APP: variants seen among roughly 807,000 people sequenced by gnomAD.
APP encodes the protein amyloid-beta precursor protein.
A neutral mutation model predicts 101.4 loss-of-function variants in APP; 31 were observed. That is an observed-to-expected ratio of 0.31 (90% CI 0.23 to 0.41). The LOEUF (loss-of-function observed/expected upper bound fraction) is 0.41, where lower values mean the gene tolerates loss of function less well. APP is among the 10% of genes least tolerant of loss of function. The pLI is 1.00. For missense variants in APP, 839 were observed against 1,003.7 expected (o/e 0.84, Z 2.22); for synonymous variants, 366 against 364.4 (o/e 1.00, Z -0.05).
intron 5 of APP, among the ~76,000 whole-genome samples, chr21:26,040,665 G>A (rs2045335227): frequency 1.3e-5 from 2 of 151,470 alleles, no homozygotes; most frequent in Admixed American, 1.3e-4. Flanking sequence ...GGGAGACTGA[G>A]GCAGGAGTAC....
At chr21:25,945,138 G>A (rs999235526) in intron 13 of APP, among the ~76,000 whole-genome samples, 1 of 152,134 alleles carries the variant, frequency 6.6e-6, no homozygotes, top group Non-Finnish European at 1.5e-5. Context: ...AGTCATCATG[G>A]CTTAAGGAAA....
chr21:26,111,465 T>C (rs1044188643), intron 2 of APP, among the ~76,000 whole-genome samples: 1 of 152,110 alleles, frequency 6.6e-6, no homozygotes, highest in African/African-American at 2.4e-5. Context: ...GGGCTGAGCA[T>C]GGTGGCTCAT....
At chr21:26,061,486 A>G (rs1182528440) in intron 3 of APP, among the ~76,000 whole-genome samples, 1 of 152,222 alleles carries the variant, frequency 6.6e-6, no homozygotes, top group Non-Finnish European at 1.5e-5. Flanking sequence ...ATTAACAAAT[A>G]GGCTGGGAAA....
intron 13 of APP, among the ~76,000 whole-genome samples, chr21:25,944,668 A>T (rs141063697): frequency 4.6e-5 from 7 of 152,334 alleles, no homozygotes; most frequent in African/African-American, 1.7e-4. Context: ...CTCAATTTGG[A>T]TTCATCTCCA....
intron 5 of APP, among the ~76,000 whole-genome samples, chr21:26,040,290 C>T (rs117104544): frequency 0.036 from 5,434 of 152,050 alleles, 131 homozygotes; most frequent in Non-Finnish European, 0.05. Context: ...GGTAATAAAC[C>T]GCATTTCTTT....
At position 25,916,879 on chromosome 21, in the gene APP, T is replaced by C. The variant is rs1431243711; in HGVS notation, c.1688-4917A>G. Among the ~76,000 whole-genome samples the C allele has an allele frequency of 3.9e-5, 6 of 152,362 alleles. No homozygotes were observed. The Middle Eastern group carries it at 0.01, about 259-fold the overall frequency. On this transcript the variant is annotated intron_variant, in intron 13 of 17. Transcript: ENST00000346798. ...AATATTTAACTGAGTTTAGTGGTGA[T>C]AATATTTAAAATATGGCTTCATCAA... is the stretch of plus-strand genomic sequence containing the variant.
intron 1 of APP, among the ~76,000 whole-genome samples, chr21:26,156,548 T>C (rs1344979512): frequency 6.6e-6 from 1 of 152,172 alleles, no homozygotes; most frequent in Non-Finnish European, 1.5e-5. Flanking sequence ...CTACTGACTA[T>C]TTTAAATCAG....
intron 17 of APP, among the ~76,000 whole-genome samples, chr21:25,890,887 T>G (rs1042456249): frequency 1.3e-5 from 2 of 152,126 alleles, no homozygotes; most frequent in Non-Finnish European, 2.9e-5. Context: ...CTCTAAAAAT[T>G]CCATAACTCT....
intron 1 of APP, among the ~76,000 whole-genome samples, chr21:26,151,810 GCTC>G: frequency 6.6e-6 from 1 of 152,302 alleles, no homozygotes; most frequent in Middle Eastern, 3.4e-3. Flanking sequence ...GTGCAGCAAA[GCTC>G]CTAACACGCC....
At chr21:26,096,789 AC>A (rs2061951803) in intron 2 of APP, among the ~76,000 whole-genome samples, 1 of 152,196 alleles carries the variant, frequency 6.6e-6, no homozygotes, top group Non-Finnish European at 1.5e-5. Context: ...AAAACAAAAA[AC>A]AAAAACAGAA....
At chr21:26,062,583 GC>G (rs1354707688) in intron 3 of APP, among the ~76,000 whole-genome samples, 4 of 149,598 alleles carry the variant, frequency 2.7e-5, no homozygotes, top group African/African-American at 9.9e-5. Flanking sequence ...AATCGCCTGA[GC>G]CGGGGAAGCA....
chr21:26,038,783 C>T (rs1272019492), intron 5 of APP, among the ~76,000 whole-genome samples: 1 of 151,996 alleles, frequency 6.6e-6, no homozygotes, highest in African/African-American at 2.4e-5. Context: ...AAAAACATCC[C>T]ATGCTGCTGG....
chr21:26,124,365 GA>G (rs1386514382), intron 1 of APP, among the ~76,000 whole-genome samples: 1 of 152,114 alleles, frequency 6.6e-6, no homozygotes, highest in African/African-American at 2.4e-5. Flanking sequence ...GCTCCTCCTA[GA>G]AAACAAGAAG....
At position 25,999,305 on chromosome 21, in the gene APP, A is replaced by T. The variant is rs556171321; in HGVS notation, c.1033+710T>A. Among the ~76,000 whole-genome samples, 3 of 152,276 alleles carry T rather than the reference A, an allele frequency of 2.0e-5. No individual in the cohort carries two copies. In the South Asian group the frequency reaches 6.2e-4, roughly 32 times the overall value. The stretch of plus-strand genomic sequence containing the variant: ...AGACCCTGTCTTTAAAAAAACAAAA[A>T]AAATAAAATTATGTTCCTCGAGCCT... On this transcript the variant is annotated intron_variant, in intron 7 of 17. Transcript: ENST00000346798.
chr21:25,905,025 T>C lies in APP; in HGVS notation c.1962A>G (p.Pro654=). ...PAADRGLTTR[P]GSGLTNIKTE... ...GCACAAGTCAAGCGGTTCTGATACC[T>C]GGTCGAGTGGTCAGTCCTCGGTCGG... The change falls in exon 15 of 18, where the codon CCA becomes CCG. Residue 654 remains proline, a splice_region_variant and synonymous_variant. Coordinates refer to ENST00000346798, the MANE Select transcript of APP (RefSeq NM_000484.4). 1 of 1,613,818 alleles carries C rather than the reference T, an allele frequency of 6.2e-7. No homozygotes were observed.
intron 1 of APP, among the ~76,000 whole-genome samples, chr21:26,135,340 T>C (rs2062873766): frequency 6.6e-6 from 1 of 152,214 alleles, no homozygotes; most frequent in African/African-American, 2.4e-5. Context: ...CCACATTATA[T>C]GCACGACTTC....
chr21:26,005,251 T>A (rs2043480904), intron 6 of APP, among the ~76,000 whole-genome samples: 1 of 151,912 alleles, frequency 6.6e-6, no homozygotes, highest in African/African-American at 2.4e-5. Flanking sequence ...CTGTCTCTAC[T>A]AAAAATACAA....
chr21:26,061,250 T>C (rs2046255119), intron 3 of APP, among the ~76,000 whole-genome samples: 1 of 152,174 alleles, frequency 6.6e-6, no homozygotes, highest in Non-Finnish European at 1.5e-5. Context: ...GATGGAAAAG[T>C]CTGGACAAGA....
chr21:26,110,564 G>A (rs1260451019), intron 2 of APP, among the ~76,000 whole-genome samples: 2 of 152,012 alleles, frequency 1.3e-5, no homozygotes, highest in African/African-American at 4.8e-5. Flanking sequence ...TACTTAATAT[G>A]TAATATATTG....
Sources: allele counts gnomAD v4.1 joint callset (sites outside exome capture counted in the v4.1 genomes callset), GRCh38; gene constraint gnomAD v4.1.1; transcripts MANE v1.5; gene names NCBI Gene and HGNC (gene_info 2026-07-23, HGNC 2026-07-21).